TRAF6: variants seen among roughly 807,000 people sequenced by gnomAD.
TRAF6 encodes TNF receptor associated factor 6, also known as TNF receptor-associated factor 6.
TRAF6 carries 10 observed loss-of-function variants against 48.4 expected under a neutral mutation model. The observed-to-expected ratio is 0.21, with a 90% CI of 0.13 to 0.35. The LOEUF (loss-of-function observed/expected upper bound fraction) is 0.35, where lower values mean the gene tolerates loss of function less well. TRAF6 is among the 10% of genes least tolerant of loss of function. The pLI is 1.00. For missense variants in TRAF6, 397 were observed against 661.0 expected (o/e 0.60, Z 4.38); for synonymous variants, 186 against 219.6 (o/e 0.85, Z 1.35).
intron 1 of TRAF6, among the ~76,000 whole-genome samples, chr11:36,505,747 A>T (rs1275822173): frequency 2.0e-5 from 3 of 152,196 alleles, no homozygotes; most frequent in African/African-American, 7.2e-5. Flanking sequence ...AAAGTGACAG[A>T]CATGTGGCTC....
At position 36,489,615 on chromosome 11, in the gene TRAF6, T is replaced by G; in HGVS notation, c.*223A>C. On this transcript the variant is annotated 3_prime_UTR_variant, in exon 7 of 7. Transcript: ENST00000526995. ...GCTGCTGCAACATGCCACAGGCACTTCAGGCCTAACATTTCTGAAAAAGCA... is the reference window on the plus strand; with the variant it reads ...GCTGCTGCAACATGCCACAGGCACTGCAGGCCTAACATTTCTGAAAAAGCA... The G allele has an allele frequency of 1.8e-6, 1 of 569,850 alleles. No individual in the cohort carries two copies. The highest frequency in any genetic ancestry group is 3.1e-6 in the Non-Finnish European group (1 of 326,960). The allele number at this position is 569,850 out of a possible 1,614,324, so 35.3% of individuals were successfully genotyped here.
chr11:36,496,125 A>G lies in TRAF6; in HGVS notation c.606+983T>C, dbSNP rs1859628489. 2.0e-5 allele frequency among the ~76,000 whole-genome samples: 3 copies of G among 152,236 alleles called. No individual in the cohort carries two copies. In the South Asian group the frequency reaches 6.2e-4, roughly 32 times the overall value. ...ATAAATTATATGTAGGTTATTTTATAAAAGTATACATAGGATAGGGATCAA... is the reference window on the plus strand; with the variant it reads ...ATAAATTATATGTAGGTTATTTTATGAAAGTATACATAGGATAGGGATCAA... On this transcript the variant is annotated intron_variant, in intron 4 of 6. Coordinates refer to ENST00000526995, the MANE Select transcript of TRAF6 (RefSeq NM_004620.4).
Position 36,498,513 on chromosome 11 carries a change from T to C in TRAF6, c.424A>G (p.Lys142Glu). 1 of 1,611,502 alleles carries C rather than the reference T, an allele frequency of 6.2e-7. No individual in the cohort carries two copies. Among genetic ancestry groups the C allele is most frequent in the Non-Finnish European group, 8.5e-7 (1 of 1,179,722 alleles). The change falls in exon 3 of 7, where the codon AAG (lysine) becomes GAG (glutamate). Residue 142 changes from lysine (K) to glutamate (E), a missense_variant. This residue lies in a region of TRAF6 where 245 missense variants were observed against 349.1 expected (regional missense o/e 0.70). Transcript: ENST00000526995. ...ACCTCAAGATGTCTCAGTTCCATCTTGTGCAAACAACCTTCATTTGGACAT... is the reference window on the plus strand; with the variant it reads ...ACCTCAAGATGTCTCAGTTCCATCTCGTGCAAACAACCTTCATTTGGACAT... Reference protein sequence around the residue: ...VKCPNEGCLHKMELRHLEDHQ... With the variant: ...VKCPNEGCLHEMELRHLEDHQ...
At chr11:36,491,191 C>G (rs1399321124) in intron 6 of TRAF6, among the ~76,000 whole-genome samples, 1 of 152,108 alleles carries the variant, frequency 6.6e-6, no homozygotes, top group Admixed American at 6.5e-5. Flanking sequence ...CCTGTATTGT[C>G]TGCAATTCCC....
intron 2 of TRAF6, among the ~76,000 whole-genome samples, chr11:36,498,913 T>C (rs1171908704): frequency 1.3e-5 from 2 of 152,136 alleles, no homozygotes; most frequent in African/African-American, 4.8e-5. Context: ...TTGAGAAAAA[T>C]TAGCTGAATA....
At chr11:36,492,309 GA>G (rs913943706) in intron 6 of TRAF6, among the ~76,000 whole-genome samples, 3 of 152,060 alleles carry the variant, frequency 2.0e-5, no homozygotes, top group African/African-American at 7.2e-5. Flanking sequence ...TGTCTTCTTG[GA>G]AAACTATTTC....
intron 5 of TRAF6, 77 bp from the exon 6 acceptor site, chr11:36,492,705 G>C (rs1859580442): frequency 1.8e-6 from 2 of 1,124,996 alleles, no homozygotes; most frequent in East Asian, 4.7e-5. Context: ...CATTTAAACT[G>C]TATTGTCAAT....
In TRAF6 at chr11:36,486,815, G is replaced by T. The variant is rs1015169508; in HGVS notation, c.*3023C>A. On this transcript the variant is annotated 3_prime_UTR_variant, in exon 7 of 7. Transcript: ENST00000526995. ...TCCAACAGTGGGTTGGACGCTGGGC[G>T]TGGTGGCTCATGCCTGTAATCCCAG... Among the ~76,000 whole-genome samples the T allele has an allele frequency of 2.0e-5, 3 of 152,226 alleles. No homozygotes were observed. The highest frequency in any genetic ancestry group is 7.2e-5 in the African/African-American group (3 of 41,492).
At position 36,485,587 on chromosome 11, in the gene TRAF6, GCAC is replaced by G. The variant is rs1859470873; in HGVS notation, c.*4248_*4250del. On this transcript the variant is annotated 3_prime_UTR_variant, in exon 7 of 7. Coordinates refer to ENST00000526995, the MANE Select transcript of TRAF6 (RefSeq NM_004620.4). ...AAAGCACTCTGAGAGAAGAAAAGCAGCACCACATCTCTCATTTCCTAAAATGCT... is the reference window on the plus strand; with the variant it reads ...AAAGCACTCTGAGAGAAGAAAAGCAGCACATCTCTCATTTCCTAAAATGCT... Among the ~76,000 whole-genome samples, 1 of 151,676 alleles carries G rather than the reference GCAC, an allele frequency of 6.6e-6. No individual in the cohort carries two copies. Among genetic ancestry groups the G allele is most frequent in the South Asian group, 2.1e-4 (1 of 4,798 alleles).
intron 1 of TRAF6, 137 bp from the exon 2 acceptor site, chr11:36,501,674 A>C: frequency 1.6e-6 from 1 of 627,272 alleles, no homozygotes; most frequent in African/African-American, 1.8e-5. Flanking sequence ...TTTACAGAAA[A>C]CTTTTAAAAG....
chr11:36,508,962 G>C (rs1859853015), intron 1 of TRAF6, among the ~76,000 whole-genome samples: 1 of 152,256 alleles, frequency 6.6e-6, no homozygotes, highest in Non-Finnish European at 1.5e-5. Context: ...GTGCATGCAG[G>C]CTGAAACTCT....
Position 36,489,085 on chromosome 11 carries a change from G to C in TRAF6, c.*753C>G, listed in dbSNP as rs1192117065. On this transcript the variant is annotated 3_prime_UTR_variant, in exon 7 of 7. Coordinates refer to ENST00000526995, the MANE Select transcript of TRAF6 (RefSeq NM_004620.4). Reference sequence around the variant, plus strand: ...GGGTTACATAGCATAACAATGAGCAGTTGGTATCCACGTGGTTCTCAGCAT... The same window carrying C: ...GGGTTACATAGCATAACAATGAGCACTTGGTATCCACGTGGTTCTCAGCAT... 1 of 152,294 alleles carries C rather than the reference G, an allele frequency of 6.6e-6. No homozygotes were observed. Among genetic ancestry groups the C allele is most frequent in the Non-Finnish European group, 1.5e-5 (1 of 68,068 alleles). 9.4% of individuals were successfully genotyped at this position (152,294 alleles called of 1,614,324 possible). A position where few individuals can be genotyped will look rare whatever the true frequency, so the allele number is the denominator to read the frequency against.
intron 1 of TRAF6, among the ~76,000 whole-genome samples, chr11:36,505,145 C>T (rs1859768056): frequency 6.6e-6 from 1 of 152,180 alleles, no homozygotes; most frequent in Admixed American, 6.5e-5. Flanking sequence ...GCATTAGCCC[C>T]TAACAAAAAC....
At chr11:36,498,108 A>C (rs1859665474) in intron 3 of TRAF6, among the ~76,000 whole-genome samples, 2 of 151,254 alleles carry the variant, frequency 1.3e-5, no homozygotes. Flanking sequence ...CTGGTCTTGA[A>C]CTCCTGACCT....
intron 5 of TRAF6, among the ~76,000 whole-genome samples, chr11:36,494,669 T>C (rs1257437772): frequency 6.6e-6 from 1 of 151,856 alleles, no homozygotes; most frequent in Non-Finnish European, 1.5e-5. Flanking sequence ...TTTCTTTAAA[T>C]GGGGACCCTT....
chr11:36,494,460 C>T (rs1172317355), intron 5 of TRAF6, among the ~76,000 whole-genome samples: 2 of 152,160 alleles, frequency 1.3e-5, no homozygotes, highest in African/African-American at 2.4e-5. Flanking sequence ...GACAACTGAA[C>T]AGAAGGGCTA....
chr11:36,484,119 G>A lies in TRAF6; in HGVS notation c.*5719C>T, dbSNP rs535063491. ...AATTCAGTTGTATTGACCTGATGGA[G>A]GCCATCCGAGGTTTCACTGCCATTA... On this transcript the variant is annotated 3_prime_UTR_variant, in exon 7 of 7. Transcript: ENST00000526995. Among the ~76,000 whole-genome samples, 22 of 152,182 alleles carry A rather than the reference G, an allele frequency of 1.4e-4. No individual in the cohort carries two copies. The highest frequency in any genetic ancestry group is 2.9e-4 in the Non-Finnish European group (20 of 68,038).
chr11:36,498,285 G>T (rs908155130), intron 3 of TRAF6, among the ~76,000 whole-genome samples: 2 of 152,150 alleles, frequency 1.3e-5, no homozygotes, highest in African/African-American at 4.8e-5. Flanking sequence ...GCTGGGCAAA[G>T]CCAGAGTAGA....
rs531673639 is a variant in TRAF6, at chr11:36,501,156, A to G, written c.296+64T>C. On this transcript the variant is annotated intron_variant, in intron 2 of 6. Transcript: ENST00000526995. ...CTACTTTTGGGATGTTCCATGTTCT[A>G]TGTAACAATGTTCTCTGCATCTGGT... The G allele has an allele frequency of 2.7e-5, 38 of 1,433,696 alleles. No homozygotes were observed. The East Asian group carries it at 7.5e-4, about 28-fold the overall frequency. The allele number at this position is 1,433,696 out of a possible 1,614,324, so 88.8% of individuals were successfully genotyped here. A position where few individuals can be genotyped will look rare whatever the true frequency, so the allele number is the denominator to read the frequency against.
Sources: allele counts gnomAD v4.1 joint callset (sites outside exome capture counted in the v4.1 genomes callset), GRCh38; gene constraint gnomAD v4.1.1; regional missense constraint gnomAD v4.1.1; transcripts MANE v1.5; gene names NCBI Gene and HGNC (gene_info 2026-07-23, HGNC 2026-07-21).